The following DPF3 variants were observed in gnomAD, a reference collection of about 807,000 sequenced individuals.
DPF3 encodes double PHD fingers 3, also known as zinc finger protein DPF3.
A neutral mutation model predicts 56.8 loss-of-function variants in DPF3; 18 were observed. The observed-to-expected ratio is 0.32, with a 90% CI of 0.22 to 0.47. The LOEUF is 0.47. DPF3 is among the 20% of genes least tolerant of loss of function. The probability of loss-of-function intolerance (pLI) is 1.00; values close to 1 mark genes in which losing one functional copy is unlikely to be tolerated. For synonymous variants in DPF3, 188 were observed against 180.2 expected, an observed-to-expected ratio of 1.04 and a Z score of -0.35; for missense variants, 403 against 488.8, an observed-to-expected ratio of 0.82 and a Z score of 1.65.
chr14:72,871,990 G>A lies in DPF3; in HGVS notation c.32+22067C>T, dbSNP rs141965005. Among the ~76,000 whole-genome samples the A allele has an allele frequency of 2.3e-3, 344 of 152,314 alleles. 2 individuals are homozygous for A. Among genetic ancestry groups the A allele is most frequent in the African/African-American group, 7.4e-3 (307 of 41,572 alleles). On this transcript the variant is annotated intron_variant, in intron 1 of 10. Coordinates refer to ENST00000556509, the MANE Select transcript of DPF3 (RefSeq NM_001280542.3). ...CAAACTTTTGCCAGGGCATCCAGGC[G>A]TTTCCATACATCTTCTGAAATCTAG...
chr14:72,715,517 C>A (rs1368818696), intron 5 of DPF3, among the ~76,000 whole-genome samples: 1 of 152,082 alleles, frequency 6.6e-6, no homozygotes, highest in Non-Finnish European at 1.5e-5. Flanking sequence ...GGAATAAGAC[C>A]TGGCAGCAGC....
intron 7 of DPF3, among the ~76,000 whole-genome samples, chr14:72,690,838 C>G (rs1299150019): frequency 1.3e-5 from 2 of 152,180 alleles, no homozygotes; most frequent in African/African-American, 4.8e-5. Flanking sequence ...CTAATAAACA[C>G]TTTAGAGAGC....
At chr14:72,648,312 A>C (rs575107958) in intron 8 of DPF3, among the ~76,000 whole-genome samples, 2 of 152,312 alleles carry the variant, frequency 1.3e-5, no homozygotes, top group East Asian at 3.9e-4. Flanking sequence ...CTCTAATCCC[A>C]GCATTTTGAG....
intron 1 of DPF3, among the ~76,000 whole-genome samples, chr14:72,776,560 A>G (rs1423329771): frequency 6.6e-6 from 1 of 152,092 alleles, no homozygotes; most frequent in Non-Finnish European, 1.5e-5. Flanking sequence ...ACTTCTCCAA[A>G]GTGACTGCCA....
Position 72,625,335 on chromosome 14 carries a change from G to A in DPF3, c.984+4289C>T, listed in dbSNP as rs75071694. Among the ~76,000 whole-genome samples, 1,033 of 152,096 alleles carry A rather than the reference G, an allele frequency of 6.8e-3. 13 individuals carry two copies. Among genetic ancestry groups the A allele is most frequent in the African/African-American group, 0.024 (982 of 41,486 alleles). ...TTTCTTTAGGTTATAACCTAATAAT[G>A]TCATTATTTTTTTGCTCAAGTTTTC... On this transcript the variant is annotated intron_variant, in intron 9 of 10. Transcript: ENST00000556509.
chr14:72,824,406 C>T (rs1376594396), intron 1 of DPF3, among the ~76,000 whole-genome samples: 1 of 152,142 alleles, frequency 6.6e-6, no homozygotes, highest in Non-Finnish European at 1.5e-5. Context: ...TCCTTTCCCC[C>T]CTTCTCCTCC....
At chr14:72,790,362 G>C (rs1462519107) in intron 1 of DPF3, among the ~76,000 whole-genome samples, 3 of 152,150 alleles carry the variant, frequency 2.0e-5, no homozygotes, top group African/African-American at 7.2e-5. Flanking sequence ...CCTAAAGCTG[G>C]TCCCTAGCAT....
chr14:72,710,439 G>A (rs974727814), intron 6 of DPF3, among the ~76,000 whole-genome samples: 3 of 152,230 alleles, frequency 2.0e-5, no homozygotes, highest in Non-Finnish European at 4.4e-5. Context: ...GGAGACTCCA[G>A]AATGTCCAGA....
At chr14:72,800,419 T>TGGATGGATGGATGGAC (rs1567236986) in intron 1 of DPF3, among the ~76,000 whole-genome samples, 2 of 139,470 alleles carry the variant, frequency 1.4e-5, no homozygotes, top group African/African-American at 5.0e-5. Context: ...GATGGATGGA[T>TGGATGGATGGATGGAC]GGACGGACAC....
intron 2 of DPF3, among the ~76,000 whole-genome samples, chr14:72,758,452 C>T (rs1360309755): frequency 6.6e-6 from 1 of 152,084 alleles, no homozygotes; most frequent in Non-Finnish European, 1.5e-5. Context: ...CTGAGGAGAC[C>T]ACAGTGACTA....
chr14:72,851,966 C>A (rs911995646), intron 1 of DPF3, among the ~76,000 whole-genome samples: 5 of 152,216 alleles, frequency 3.3e-5, no homozygotes, highest in Non-Finnish European at 4.4e-5. Context: ...AAGCATAGAG[C>A]AAACATCAAT....
At chr14:72,670,153 G>C (rs1170030544) in intron 8 of DPF3, 77 of 985,796 alleles carry the variant, frequency 7.8e-5, no homozygotes, top group Non-Finnish European at 9.2e-5. Context: ...AATGGGTATT[G>C]ATACGTTTCT....
At chr14:72,667,648 T>C (rs926755400) in intron 8 of DPF3, among the ~76,000 whole-genome samples, 5 of 152,240 alleles carry the variant, frequency 3.3e-5, no homozygotes, top group Non-Finnish European at 7.3e-5. Context: ...GTACATTGTC[T>C]AGAAGTGATG....
In DPF3 at chr14:72,845,253, C is replaced by T. The variant is rs572773294; in HGVS notation, c.32+48804G>A. On this transcript the variant is annotated intron_variant, in intron 1 of 10. Coordinates refer to ENST00000556509, the MANE Select transcript of DPF3 (RefSeq NM_001280542.3). Reference sequence around the variant, plus strand: ...ACAGTGAAAGCCCCAGTTAGGAAACCATGAAAGAGAAGAAATGAGGTACAC... The same window carrying T: ...ACAGTGAAAGCCCCAGTTAGGAAACTATGAAAGAGAAGAAATGAGGTACAC... Among the ~76,000 whole-genome samples the T allele has an allele frequency of 3.3e-5, 5 of 152,256 alleles. No homozygotes were observed. In the South Asian group the frequency reaches 1.0e-3, roughly 32 times the overall value.
intron 1 of DPF3, among the ~76,000 whole-genome samples, chr14:72,874,443 C>T (rs970381968): frequency 1.3e-5 from 2 of 151,526 alleles, no homozygotes; most frequent in Non-Finnish European, 2.9e-5. Context: ...CCTGACACTG[C>T]ACTCCAGCCT....
chr14:72,718,466 T>A (rs1326272294), intron 5 of DPF3, among the ~76,000 whole-genome samples: 2 of 152,194 alleles, frequency 1.3e-5, no homozygotes, highest in African/African-American at 4.8e-5. Flanking sequence ...CCTTGTTCAC[T>A]CTCACGCTCT....
At position 72,616,485 on chromosome 14, in the gene DPF3, G is replaced by A. The variant is rs561238643; in HGVS notation, c.*2812C>T. On this transcript the variant is annotated 3_prime_UTR_variant, in exon 11 of 11. Coordinates refer to ENST00000556509, the MANE Select transcript of DPF3 (RefSeq NM_001280542.3). ...GTCACAAGGGAGATTTGAAGAAGAC[G>A]TCTAACATTGGCTAATGCACACAAG... is the stretch of plus-strand genomic sequence containing the variant. Among the ~76,000 whole-genome samples the A allele has an allele frequency of 9.2e-5, 14 of 152,262 alleles. No homozygotes were observed. Among genetic ancestry groups the A allele is most frequent in the South Asian group, 6.2e-4 (3 of 4,826 alleles).
chr14:72,814,840 A>T (rs1040568201), intron 1 of DPF3, among the ~76,000 whole-genome samples: 1 of 152,108 alleles, frequency 6.6e-6, no homozygotes, highest in Non-Finnish European at 1.5e-5. Context: ...CTCGACATGG[A>T]TCGTAGAGCT....
At chr14:72,641,177 T>C (rs1331743263) in intron 8 of DPF3, among the ~76,000 whole-genome samples, 1 of 152,192 alleles carries the variant, frequency 6.6e-6, no homozygotes, top group African/African-American at 2.4e-5. Context: ...CAGTCACTAG[T>C]AGCAATGGGC....
Sources: gnomAD v4.1 joint callset for allele counts (sites outside exome capture counted in the v4.1 genomes callset) on GRCh38, gnomAD v4.1.1 for gene constraint, MANE v1.5 for transcripts, NCBI Gene and HGNC (gene_info 2026-07-23, HGNC 2026-07-21) for gene names.